The following ZNF567 variants were observed in gnomAD, a reference collection of about 807,000 sequenced individuals.
The protein encoded by ZNF567 is zinc finger protein 567.
ZNF567 carries 36 observed loss-of-function variants against 53.9 expected under a neutral mutation model. The observed-to-expected ratio is 0.67, with a 90% CI of 0.51 to 0.88. The LOEUF (loss-of-function observed/expected upper bound fraction) is 0.88. Among genes scored for constraint, ZNF567 ranks in the 40% least tolerant of loss-of-function variants. The probability of loss-of-function intolerance (pLI) is 0.00; values close to 1 mark genes in which losing one functional copy is unlikely to be tolerated. For synonymous variants in ZNF567, 224 were observed against 260.4 expected, an observed-to-expected ratio of 0.86 and a Z score of 1.35; for missense variants, 619 against 764.7, an observed-to-expected ratio of 0.81 and a Z score of 2.25.
At chr19:36,724,158 C>A (rs2040324952), downstream of ZNF567, among the ~76,000 whole-genome samples, 1 of 151,410 alleles carries the variant, frequency 6.6e-6, no homozygotes, top group African/African-American at 2.4e-5. Flanking sequence ...AGGCATGTTC[C>A]CCCATGCCTG....
At chr19:36,667,241 T>A in the ZNF567 span, among the ~76,000 whole-genome samples, 2 of 152,010 alleles carry the variant, frequency 1.3e-5, no homozygotes, top group African/African-American at 2.4e-5. Flanking sequence ...TGAAACGATT[T>A]AAAAAAAAAT....
downstream of ZNF567, chr19:36,723,138 C>G (rs1380011230): frequency 4.3e-6 from 3 of 702,496 alleles, no homozygotes; most frequent in Admixed American, 6.0e-5. Flanking sequence ...TGGTGACTAA[C>G]AGAAGAATTG....
At chr19:36,684,190 A>G (rs2038228610), upstream of ZNF567, among the ~76,000 whole-genome samples, 1 of 152,248 alleles carries the variant, frequency 6.6e-6, no homozygotes, top group East Asian at 1.9e-4. Context: ...GTTAGAAGAA[A>G]CAAGTAGATT....
upstream of ZNF567, chr19:36,686,685 C>G (rs1302371769): frequency 6.6e-6 from 1 of 152,232 alleles, no homozygotes; most frequent in African/African-American, 2.4e-5. Context: ...GGGACACTTA[C>G]AACTCGAAAA....
rs746178851 is a variant in ZNF567, at chr19:36,719,162, A to T, written c.438A>T (p.Glu146Asp). 1.2e-6 allele frequency: 2 copies of T among 1,612,170 alleles called. No individual in the cohort carries two copies. Among genetic ancestry groups the T allele is most frequent in the Non-Finnish European group, 1.7e-6 (2 of 1,179,528 alleles). Residue 146 changes from glutamate (E) to aspartate (D), a missense_variant, in exon 6 of 6, where the codon GAA (glutamate) becomes GAT (aspartate). Physicochemically the swap from Glu to Asp is conservative, Grantham distance 45. Coordinates refer to ENST00000682579, the MANE Select transcript of ZNF567 (RefSeq NM_001322917.1). ...GAAGGATTTTGAAAAATGTTTCAGA[A>T]TTAATCATCAGTAATCTAAATCCTG... ...THGRILKNVS[E>D]LIISNLNPAR...
downstream of ZNF567, among the ~76,000 whole-genome samples, chr19:36,725,076 T>C (rs926396692): frequency 5.3e-5 from 8 of 152,132 alleles, no homozygotes; most frequent in Non-Finnish European, 1.0e-4. Context: ...ACTTGAAAAA[T>C]GTCACTTCTT....
At chr19:36,676,304 G>C in the ZNF567 span, among the ~76,000 whole-genome samples, 2 of 151,148 alleles carry the variant, frequency 1.3e-5, no homozygotes, top group African/African-American at 2.4e-5. Context: ...GACCTCAAGT[G>C]ATCTGCCCGC....
chr19:36,716,826 TG>T (rs1440378389), intron 5 of ZNF567, among the ~76,000 whole-genome samples: 1 of 152,188 alleles, frequency 6.6e-6, no homozygotes, highest in Non-Finnish European at 1.5e-5. Context: ...GCAGTGATCA[TG>T]TAAAATTTTT....
downstream of ZNF567, chr19:36,723,134 C>T: frequency 2.8e-6 from 2 of 702,556 alleles, no homozygotes; most frequent in East Asian, 5.4e-5. Context: ...ACAGTGGTGA[C>T]TAACAGAAGA....
chr19:36,706,408 G>A lies in ZNF567; in HGVS notation c.10-5978G>A, dbSNP rs142022205. 3.9e-5 allele frequency among the ~76,000 whole-genome samples: 6 copies of A among 152,148 alleles called. No individual in the cohort carries two copies. The East Asian group carries it at 5.8e-4, about 15-fold the overall frequency. On this transcript the variant is annotated intron_variant, in intron 3 of 5. Coordinates refer to ENST00000682579, the MANE Select transcript of ZNF567 (RefSeq NM_001322917.1). The stretch of plus-strand genomic sequence containing the variant: ...TCCTGGGCTCATGGGATCCTCTCAC[G>A]TCAGCCTCCTGAGTAGCTGATACTA...
chr19:36,704,988 G>C (rs1431689314), intron 3 of ZNF567, among the ~76,000 whole-genome samples: 1 of 152,100 alleles, frequency 6.6e-6, no homozygotes, highest in Non-Finnish European at 1.5e-5. Flanking sequence ...AAATGTATTG[G>C]CATAAAGTTG....
At chr19:36,669,093 G>A in the ZNF567 span, 1 of 152,146 alleles carries the variant, frequency 6.6e-6, no homozygotes, top group Non-Finnish European at 1.5e-5. Flanking sequence ...TCTAGAGAGG[G>A]TTTAAAGAAT....
At chr19:36,703,004 C>T (rs2039289789) in intron 3 of ZNF567, among the ~76,000 whole-genome samples, 1 of 152,140 alleles carries the variant, frequency 6.6e-6, no homozygotes, top group Non-Finnish European at 1.5e-5. Flanking sequence ...AGGTGCTCTG[C>T]TTTTTAGAGT....
chr19:36,669,016 G>A, the ZNF567 span: 5 of 151,994 alleles, frequency 3.3e-5, no homozygotes, highest in African/African-American at 9.7e-5. Context: ...TTGTCATTAT[G>A]CCCTAAAAAA....
At chr19:36,712,601 G>C in intron 4 of ZNF567, 89 bp downstream of exon 4, 1 of 1,556,160 alleles carries the variant, frequency 6.4e-7, no homozygotes. Context: ...AGGAATAAGA[G>C]GTGATGAATT....
chr19:36,720,816 A>G lies in ZNF567; in HGVS notation c.*148A>G. ...CATACGGAATAACTGTCTACTGTTT[A>G]CTAGCATATAAAATAAGTATGATCA... On this transcript the variant is annotated 3_prime_UTR_variant, in exon 6 of 6. Transcript: ENST00000682579. 1.6e-6 allele frequency: 1 copy of G among 642,116 alleles called. No individual in the cohort carries two copies. Among genetic ancestry groups the G allele is most frequent in the Non-Finnish European group, 2.3e-6 (1 of 426,004 alleles). The allele number at this position is 642,116 out of a possible 1,614,324, so 39.8% of individuals were successfully genotyped here. A position where few individuals can be genotyped will look rare whatever the true frequency, so the allele number is the denominator to read the frequency against.
At chr19:36,679,578 C>T in the ZNF567 span, among the ~76,000 whole-genome samples, 1 of 152,156 alleles carries the variant, frequency 6.6e-6, no homozygotes, top group South Asian at 2.1e-4. Context: ...TGGAAACAAG[C>T]TAAGTGTCCA....
chr19:36,667,616 A>AAC, the ZNF567 span, among the ~76,000 whole-genome samples: 1 of 134,524 alleles, frequency 7.4e-6, no homozygotes, highest in Non-Finnish European at 1.6e-5. Context: ...ACAACAACAA[A>AAC]AAACTGTACG....
chr19:36,701,754 C>CT (rs1688915802), intron 3 of ZNF567, among the ~76,000 whole-genome samples: 1 of 147,408 alleles, frequency 6.8e-6, no homozygotes, highest in Non-Finnish European at 1.5e-5. Flanking sequence ...CAACCCCTGC[C>CT]TTTTTTTGTT....
Sources: gnomAD v4.1 joint callset for allele counts (sites outside exome capture counted in the v4.1 genomes callset) on GRCh38, gnomAD v4.1.1 for gene constraint, MANE v1.5 for transcripts, NCBI Gene and HGNC (gene_info 2026-07-23, HGNC 2026-07-21) for gene names.